Variants in OARD1 observed in about 807,000 individuals in gnomAD.
OARD1 encodes the protein ADP-ribose glycohydrolase OARD1.
Under a neutral mutation model 19.7 loss-of-function variants are expected in OARD1, and 19 were observed. That is an observed-to-expected ratio of 0.96 (90% CI 0.67 to 1.41). OARD1 has a LOEUF of 1.41. Among genes scored for constraint, OARD1 ranks in the 40% most tolerant of loss-of-function variants. The pLI is 0.00. For synonymous variants in OARD1, 70 were observed against 61.8 expected (o/e 1.13, Z -0.62); for missense variants, 190 against 183.8 (o/e 1.03, Z -0.20).
At chr6:41,091,484 T>G in intron 1 of OARD1, 11 of 1,594,216 alleles carry the variant, frequency 6.9e-6, no homozygotes, top group Non-Finnish European at 9.4e-6. Flanking sequence ...CTTTCTGTTC[T>G]GTGTGCCTGT....
chr6:41,082,910 A>T (rs1230489342), intron 1 of OARD1, among the ~76,000 whole-genome samples: 1 of 152,190 alleles, frequency 6.6e-6, no homozygotes, highest in African/African-American at 2.4e-5. Flanking sequence ...GGTGATTCTA[A>T]TACATTAGTG....
intron 1 of OARD1, chr6:41,078,985 T>C (rs1763831851): frequency 2.1e-6 from 2 of 939,244 alleles, no homozygotes; most frequent in South Asian, 1.5e-5. Flanking sequence ...GTAAGGCCTT[T>C]ATTGACAATC....
intron 1 of OARD1, among the ~76,000 whole-genome samples, chr6:41,089,408 T>C (rs1764138351): frequency 6.6e-6 from 1 of 152,224 alleles, no homozygotes; most frequent in South Asian, 2.1e-4. Flanking sequence ...CCCTATTTGT[T>C]TCATAAATGG....
chr6:41,071,832 G>C (rs575041917), intron 1 of OARD1, 157 bp from the exon 2 acceptor site: 162 of 554,166 alleles, frequency 2.9e-4, no homozygotes, highest in African/African-American at 2.8e-3. Flanking sequence ...ACCCTTCTGG[G>C]GCAAAGAGGA....
chr6:41,076,114 G>T (rs1391536151), upstream of OARD1, among the ~76,000 whole-genome samples: 1 of 152,126 alleles, frequency 6.6e-6, no homozygotes, highest in Non-Finnish European at 1.5e-5. Flanking sequence ...TAATAGAATA[G>T]AAAATATCTG....
intron 1 of OARD1, among the ~76,000 whole-genome samples, chr6:41,095,190 TTA>T (rs1764314648): frequency 6.6e-6 from 1 of 152,192 alleles, no homozygotes; most frequent in African/African-American, 2.4e-5. Context: ...CCATTTGCAC[TTA>T]GACTGACATC....
chr6:41,071,728 A>G, intron 1 of OARD1, 53 bp from the exon 2 acceptor site: 1 of 1,014,752 alleles, frequency 9.9e-7, no homozygotes, highest in Non-Finnish European at 1.6e-6. Flanking sequence ...AGTATATAAT[A>G]TTCTGATTGC....
At chr6:41,071,343 G>GT in intron 2 of OARD1, 67 bp from the exon 3 acceptor site, 2 of 1,496,244 alleles carry the variant, frequency 1.3e-6, no homozygotes, top group Non-Finnish European at 1.8e-6. Context: ...CTATTTTTCT[G>GT]TATTTTGTGT....
At chr6:41,074,625 A>G (rs947067053), upstream of OARD1, among the ~76,000 whole-genome samples, 3 of 152,250 alleles carry the variant, frequency 2.0e-5, no homozygotes, top group African/African-American at 7.2e-5. Flanking sequence ...GGAGGCAGGA[A>G]GATGGGATAG....
chr6:41,090,342 T>C (rs1045082084), intron 1 of OARD1: 4 of 1,473,208 alleles, frequency 2.7e-6, no homozygotes, highest in African/African-American at 1.4e-5. Context: ...CTAGGACTTT[T>C]TGGGGCAACT....
chr6:41,081,890 T>C (rs1036588740), intron 1 of OARD1, among the ~76,000 whole-genome samples: 5 of 152,220 alleles, frequency 3.3e-5, no homozygotes, highest in African/African-American at 1.2e-4. Context: ...TACAGTTCTT[T>C]AGCATCGTGT....
chr6:41,080,712 G>A, intron 1 of OARD1: 1 of 955,128 alleles, frequency 1.0e-6, no homozygotes, highest in Non-Finnish European at 1.6e-6. Flanking sequence ...AAGTCCTTCA[G>A]GCTTCCGTCT....
Position 41,097,532 on chromosome 6 carries a change from T to A in OARD1, c.-42+181A>T, listed in dbSNP as rs1309622501. The A allele has an allele frequency of 4.9e-6, 5 of 1,016,182 alleles. No homozygotes were observed. In the Admixed American group the frequency reaches 1.2e-4, roughly 25 times the overall value. The allele number at this position is 1,016,182 out of a possible 1,614,324, so 62.9% of individuals were successfully genotyped here. On this transcript the variant is annotated intron_variant, in intron 1 of 4. Transcript: ENST00000480585. ...CCCTTTACTACAGGACAGAAACCACTTAGTTTTTAATAAGTGGCTCAGTAT... is the reference window on the plus strand; with the variant it reads ...CCCTTTACTACAGGACAGAAACCACATAGTTTTTAATAAGTGGCTCAGTAT...
chr6:41,085,038 A>G (rs1461346576), intron 1 of OARD1, among the ~76,000 whole-genome samples: 3 of 152,278 alleles, frequency 2.0e-5, no homozygotes, highest in African/African-American at 7.2e-5. Context: ...AAAATTAGAT[A>G]TTTCTCATCG....
At chr6:41,090,190 C>G in intron 1 of OARD1, 1 of 1,551,682 alleles carries the variant, frequency 6.4e-7, no homozygotes, top group Non-Finnish European at 8.9e-7. Context: ...TGTGTCATTA[C>G]TTATTTCCTC....
intron 1 of OARD1, among the ~76,000 whole-genome samples, chr6:41,084,968 A>G (rs1260358092): frequency 6.6e-6 from 1 of 152,248 alleles, no homozygotes; most frequent in Admixed American, 6.5e-5. Context: ...CTCAAAAAAA[A>G]AGAAGAGATT....
At position 41,090,322 on chromosome 6, in the gene OARD1, A is replaced by C. The variant is rs1582033419; in HGVS notation, c.-42+7391T>G. 5 of 1,595,418 alleles carry C rather than the reference A, an allele frequency of 3.1e-6. No homozygotes were observed. In the East Asian group the frequency reaches 1.1e-4, roughly 36 times the overall value. On this transcript the variant is annotated intron_variant, in intron 1 of 4. Transcript: ENST00000480585. ...ATTCTCCAGCAAGGTAAGTGTACCC[A>C]TAAGCTTCCCTAGGACTTTTTGGGG...
chr6:41,091,368 C>T (rs1764193576), intron 1 of OARD1, among the ~76,000 whole-genome samples: 1 of 152,188 alleles, frequency 6.6e-6, no homozygotes, highest in South Asian at 2.1e-4. Context: ...TTATATATAG[C>T]ACACCACAGT....
Position 41,097,622 on chromosome 6 carries a change from C to T in OARD1, c.-42+91G>A. The T allele has an allele frequency of 3.1e-5, 17 of 543,242 alleles. No individual in the cohort carries two copies. In the South Asian group the frequency reaches 3.7e-4, roughly 12 times the overall value. The allele number at this position is 543,242 out of a possible 1,614,324, so 33.7% of individuals were successfully genotyped here. ...CTTTGTCTTACTCTTTCAGTCAGGA[C>T]CTATTTCAGACTGTTGATGACATTG... On this transcript the variant is annotated intron_variant, in intron 1 of 4. Coordinates refer to the OARD1 transcript ENST00000480585.
Sources: allele counts gnomAD v4.1 joint callset (sites outside exome capture counted in the v4.1 genomes callset), GRCh38; gene constraint gnomAD v4.1.1; transcripts MANE v1.5; gene names NCBI Gene and HGNC (gene_info 2026-07-23, HGNC 2026-07-21).